Variants in NCOA3 observed in about 807,000 individuals in gnomAD.
The protein encoded by NCOA3 is CBP-interacting protein.
A neutral mutation model predicts 158.8 loss-of-function variants in NCOA3; 51 were observed. The observed-to-expected ratio is 0.32, with a 90% confidence interval of 0.26 to 0.41. NCOA3 has a LOEUF of 0.41. Ranked by LOEUF, NCOA3 falls within the 10% of genes least tolerant of loss-of-function variation. The probability of loss-of-function intolerance (pLI) is 1.00; values close to 1 mark genes in which losing one functional copy is unlikely to be tolerated. For synonymous variants in NCOA3, 537 were observed against 592.4 expected (o/e 0.91, Z 1.36); for missense variants, 1,510 against 1,746.6 (o/e 0.86, Z 2.41).
At chr20:47,651,360 A>T in intron 20 of NCOA3, 84 bp downstream of exon 20, 2 of 1,514,036 alleles carry the variant, frequency 1.3e-6, no homozygotes, top group Non-Finnish European at 1.8e-6. Context: ...CACATGAAAG[A>T]CAAAAACACG....
At chr20:47,600,263 C>T (rs573385014) in intron 2 of NCOA3, among the ~76,000 whole-genome samples, 2 of 151,876 alleles carry the variant, frequency 1.3e-5, no homozygotes, top group South Asian at 2.1e-4. Context: ...CAAGCTCCAC[C>T]TCCCGGGTTC....
intron 1 of NCOA3, among the ~76,000 whole-genome samples, chr20:47,574,718 TCTTC>T (rs1465338791): frequency 6.6e-6 from 1 of 152,238 alleles, no homozygotes; most frequent in East Asian, 1.9e-4. Flanking sequence ...AGGGCCTGTA[TCTTC>T]CTTTGTATAC....
Position 47,647,305 on chromosome 20 carries a change from C to T in NCOA3, c.3485C>T (p.Pro1162Leu). Reference sequence around the variant, plus strand: ...CACCCACGAGCCAACATCATGAGACCCCGGACAAACACCCCCAAGCAACTT... The same window carrying T: ...CACCCACGAGCCAACATCATGAGACTCCGGACAAACACCCCCAAGCAACTT... ...GMHPRANIMRPRTNTPKQLRM... is the reference protein window; with the variant it reads ...GMHPRANIMRLRTNTPKQLRM... The change falls in exon 18 of 23, where the codon CCC (proline) becomes CTC (leucine). Residue 1162 changes from proline to leucine, a missense_variant. Pro to Leu is a moderately conservative substitution (Grantham distance 98). Coordinates refer to ENST00000371998, the MANE Select transcript of NCOA3 (RefSeq NM_181659.3). 1 of 1,614,142 alleles carries T rather than the reference C, an allele frequency of 6.2e-7. No individual in the cohort carries two copies. Among genetic ancestry groups the T allele is most frequent in the Non-Finnish European group, 8.5e-7 (1 of 1,180,030 alleles).
At chr20:47,575,010 TC>T (rs1206250728) in intron 1 of NCOA3, among the ~76,000 whole-genome samples, 2 of 152,156 alleles carry the variant, frequency 1.3e-5, no homozygotes, top group African/African-American at 4.8e-5. Context: ...TCTGGGATCT[TC>T]CCCAACCTCC....
Position 47,624,081 on chromosome 20 carries a change from A to ACCG in NCOA3, c.254_255insCCG (p.Gln85delinsHisArg). 6.3e-7 allele frequency: 1 copy of ACCG among 1,599,456 alleles called. No individual in the cohort carries two copies. Among genetic ancestry groups the ACCG allele is most frequent in the Non-Finnish European group, 8.5e-7 (1 of 1,173,862 alleles). The stretch of plus-strand genomic sequence containing the variant: ...AGACAGATACGTCAAATAAAAGAGC[A>ACCG]AGGTAATAAAAACACTCATGTCTTT... On this transcript the variant is annotated protein_altering_variant and splice_region_variant, in exon 4 of 23. Transcript: ENST00000371998.
At chr20:47,628,475 G>T (rs144713988) in intron 8 of NCOA3, 1 of 152,288 alleles carries the variant, frequency 6.6e-6, no homozygotes, top group Non-Finnish European at 1.4e-5. Flanking sequence ...GCAATGGTGC[G>T]ATCTCGGCTC....
intron 2 of NCOA3, among the ~76,000 whole-genome samples, chr20:47,612,126 C>G (rs1163296283): frequency 6.6e-6 from 1 of 152,134 alleles, no homozygotes; most frequent in Non-Finnish European, 1.5e-5. Flanking sequence ...CACACCCAGC[C>G]AAATTATTTC....
intron 2 of NCOA3, among the ~76,000 whole-genome samples, chr20:47,609,959 G>C (rs2086018081): frequency 6.6e-6 from 1 of 152,130 alleles, no homozygotes; most frequent in South Asian, 2.1e-4. Context: ...ACATAAGACG[G>C]TAGCTATTTT....
intron 1 of NCOA3, among the ~76,000 whole-genome samples, chr20:47,553,544 C>A (rs1012796697): frequency 9.0e-5 from 11 of 122,004 alleles, no homozygotes; most frequent in African/African-American, 3.0e-4. Context: ...GCTATCCCTC[C>A]CCCCCTCCCC....
intron 1 of NCOA3, among the ~76,000 whole-genome samples, chr20:47,555,469 A>C (rs1181982134): frequency 2.0e-5 from 3 of 152,112 alleles, no homozygotes; most frequent in African/African-American, 7.2e-5. Flanking sequence ...TGTTGTGACC[A>C]TCCATAATTC....
chr20:47,610,051 A>C (rs1377193642), intron 2 of NCOA3, among the ~76,000 whole-genome samples: 1 of 151,712 alleles, frequency 6.6e-6, no homozygotes, highest in Non-Finnish European at 1.5e-5. Flanking sequence ...GTGCTACCCC[A>C]CCCTCCAGAA....
At chr20:47,525,862 C>T (rs540432668) in intron 1 of NCOA3, among the ~76,000 whole-genome samples, 14 of 133,758 alleles carry the variant, frequency 1.0e-4, no homozygotes, top group African/African-American at 3.4e-4. Flanking sequence ...CCTCACTTCC[C>T]GGATGGGGCG....
intron 1 of NCOA3, among the ~76,000 whole-genome samples, chr20:47,549,499 AC>A (rs892148969): frequency 2.2e-4 from 33 of 151,044 alleles, no homozygotes; most frequent in Non-Finnish European, 4.1e-4. Flanking sequence ...GGTTGAGGCT[AC>A]AGCAAACTAT....
chr20:47,522,149 C>G (rs188570679), intron 1 of NCOA3, among the ~76,000 whole-genome samples: 1 of 121,684 alleles, frequency 8.2e-6, no homozygotes, highest in Non-Finnish European at 1.6e-5. Context: ...GTCTCCTAGG[C>G]TGGAGTGCAG....
At chr20:47,575,378 A>C (rs777192196) in intron 1 of NCOA3, among the ~76,000 whole-genome samples, 31 of 152,236 alleles carry the variant, frequency 2.0e-4, no homozygotes, top group Admixed American at 1.2e-3. Flanking sequence ...GGTCTATTTT[A>C]AAGTAGACTT....
At chr20:47,582,265 C>T (rs553927427) in intron 1 of NCOA3, among the ~76,000 whole-genome samples, 15 of 152,146 alleles carry the variant, frequency 9.9e-5, no homozygotes, top group East Asian at 1.9e-4. Flanking sequence ...CAGGCTAGAG[C>T]GCAATGGCAT....
chr20:47,640,583 T>C (rs764065035), intron 16 of NCOA3, among the ~76,000 whole-genome samples: 2 of 152,090 alleles, frequency 1.3e-5, no homozygotes, highest in Non-Finnish European at 2.9e-5. Context: ...AAATTTTTCA[T>C]AAAATAAAGA....
intron 1 of NCOA3, among the ~76,000 whole-genome samples, chr20:47,558,808 C>A (rs1245821322): frequency 9.1e-5 from 13 of 142,338 alleles, no homozygotes; most frequent in African/African-American, 3.5e-4. Context: ...CCTTCACTCC[C>A]TACTTTTTTC....
intron 2 of NCOA3, among the ~76,000 whole-genome samples, chr20:47,614,363 C>G (rs549507181): frequency 1.3e-5 from 2 of 152,164 alleles, no homozygotes; most frequent in African/African-American, 2.4e-5. Context: ...GTATGACTGT[C>G]TCATTCTTCC....
Sources: allele counts gnomAD v4.1 joint callset (sites outside exome capture counted in the v4.1 genomes callset), GRCh38; gene constraint gnomAD v4.1.1; transcripts MANE v1.5; gene names NCBI Gene and HGNC (gene_info 2026-07-23, HGNC 2026-07-21).